The following PPP1R9A variants were observed in gnomAD, a reference collection of about 807,000 sequenced individuals.
The protein encoded by PPP1R9A is neurabin-1.
A neutral mutation model predicts 141.9 loss-of-function variants in PPP1R9A; 59 were observed. The ratio of observed to expected loss-of-function variants is 0.42; its 90% CI spans 0.34 to 0.52. The LOEUF (loss-of-function observed/expected upper bound fraction) is 0.52. Ranked by LOEUF, PPP1R9A falls within the 20% of genes least tolerant of loss-of-function variation. The probability of loss-of-function intolerance (pLI) is 0.10; values close to 1 mark genes in which losing one functional copy is unlikely to be tolerated. For synonymous variants in PPP1R9A, 500 were observed against 569.7 expected, an observed-to-expected ratio of 0.88 and a Z score of 1.74; for missense variants, 1,444 against 1,611.9, an observed-to-expected ratio of 0.90 and a Z score of 1.78.
Position 95,218,325 on chromosome 7 carries a change from CT to C in PPP1R9A, c.1957-7635del, listed in dbSNP as rs1793824339. Reference sequence around the variant, plus strand: ...AGTGCTAGTTTGATTGCAGTGTGGTCTGAGAGACAGTTTGTTATAATTTCTG... The same window carrying C: ...AGTGCTAGTTTGATTGCAGTGTGGTCGAGAGACAGTTTGTTATAATTTCTG... On this transcript the variant is annotated intron_variant, in intron 7 of 19. Transcript: ENST00000433360. 2.6e-5 allele frequency among the ~76,000 whole-genome samples: 4 copies of C among 152,262 alleles called. No homozygotes were observed. In the South Asian group the frequency reaches 6.2e-4, roughly 24 times the overall value.
intron 2 of PPP1R9A, among the ~76,000 whole-genome samples, chr7:94,981,554 A>G (rs1466493316): frequency 1.3e-5 from 2 of 152,112 alleles, no homozygotes; most frequent in Admixed American, 6.6e-5. Flanking sequence ...TTTTTAAAAA[A>G]AACTTATTAT....
At chr7:95,213,229 GGTTT>G (rs760872084) in intron 7 of PPP1R9A, among the ~76,000 whole-genome samples, 51 of 151,812 alleles carry the variant, frequency 3.4e-4, no homozygotes, top group Admixed American at 9.2e-4. Context: ...GGCAGTGACA[GGTTT>G]GTTTATCACT....
chr7:94,973,201 C>T lies in PPP1R9A; in HGVS notation c.1395+61693C>T, dbSNP rs1042254398. Among the ~76,000 whole-genome samples, 4 of 152,158 alleles carry T rather than the reference C, an allele frequency of 2.6e-5. 1 individual carries two copies. In the Middle Eastern group the frequency reaches 9.5e-3, roughly 361 times the overall value. On this transcript the variant is annotated intron_variant, in intron 2 of 19. Coordinates refer to ENST00000433360, the MANE Select transcript of PPP1R9A (RefSeq NM_001166160.2). ...ATTGAAGCAAGAAATATATCTACCACATCATAAAAATAATGTGTTTTTATA... is the reference window on the plus strand; with the variant it reads ...ATTGAAGCAAGAAATATATCTACCATATCATAAAAATAATGTGTTTTTATA...
At chr7:95,008,547 GT>G (rs1166265874) in intron 2 of PPP1R9A, among the ~76,000 whole-genome samples, 2 of 152,150 alleles carry the variant, frequency 1.3e-5, no homozygotes, top group Admixed American at 6.5e-5. Context: ...ACTGCTTCAG[GT>G]TTGTTGGACA....
intron 2 of PPP1R9A, among the ~76,000 whole-genome samples, chr7:94,940,476 A>G: frequency 6.6e-6 from 1 of 151,770 alleles, no homozygotes; most frequent in South Asian, 2.1e-4. Flanking sequence ...CCCTTTCTTC[A>G]CTAGATCTGT....
intron 12 of PPP1R9A, among the ~76,000 whole-genome samples, chr7:95,261,517 A>G (rs1563519025): frequency 6.6e-6 from 1 of 152,022 alleles, no homozygotes; most frequent in Non-Finnish European, 1.5e-5. Context: ...TTTTGATGAC[A>G]CTAAGGGTTT....
intron 4 of PPP1R9A, among the ~76,000 whole-genome samples, chr7:95,154,282 T>C (rs1360875968): frequency 6.6e-6 from 1 of 152,126 alleles, no homozygotes; most frequent in Non-Finnish European, 1.5e-5. Flanking sequence ...CCAGTGTTTG[T>C]TCAGGAGCAT....
chr7:94,925,855 C>T (rs1407757436), intron 2 of PPP1R9A, among the ~76,000 whole-genome samples: 1 of 152,036 alleles, frequency 6.6e-6, no homozygotes, highest in East Asian at 1.9e-4. Flanking sequence ...GAGACAAGGT[C>T]TTACTCTGTT....
chr7:95,200,402 G>T (rs1045077944), intron 6 of PPP1R9A, among the ~76,000 whole-genome samples: 2 of 151,236 alleles, frequency 1.3e-5, no homozygotes, highest in African/African-American at 4.9e-5. Context: ...CTCCTGAGTA[G>T]CTGGGGCAAC....
intron 12 of PPP1R9A, among the ~76,000 whole-genome samples, chr7:95,266,247 C>T (rs1801261694): frequency 1.3e-5 from 2 of 152,022 alleles, no homozygotes; most frequent in South Asian, 4.1e-4. Context: ...CACTTAGTAG[C>T]CAAAGCTGTT....
chr7:95,089,789 A>C (rs1159660877), intron 2 of PPP1R9A, among the ~76,000 whole-genome samples: 1 of 151,876 alleles, frequency 6.6e-6, no homozygotes, highest in Non-Finnish European at 1.5e-5. Flanking sequence ...TATTCTTTAG[A>C]CTAATCAATA....
intron 2 of PPP1R9A, among the ~76,000 whole-genome samples, chr7:94,922,628 A>G: frequency 6.6e-6 from 1 of 152,280 alleles, no homozygotes; most frequent in African/African-American, 2.4e-5. Flanking sequence ...CTTCATAGTA[A>G]AAAGTCTGGT....
At chr7:95,065,425 C>G (rs1013896941) in intron 2 of PPP1R9A, among the ~76,000 whole-genome samples, 2 of 151,974 alleles carry the variant, frequency 1.3e-5, no homozygotes, top group African/African-American at 4.8e-5. Context: ...ATAGCTAGTT[C>G]AGAATTATTC....
chr7:95,277,115 C>G (rs910684208), intron 16 of PPP1R9A, among the ~76,000 whole-genome samples: 2 of 152,182 alleles, frequency 1.3e-5, no homozygotes, highest in African/African-American at 4.8e-5. Flanking sequence ...GTAATGTTAT[C>G]TTTTTGAAGC....
chr7:94,949,699 A>C (rs745341654), intron 2 of PPP1R9A, among the ~76,000 whole-genome samples: 1 of 151,852 alleles, frequency 6.6e-6, no homozygotes, highest in Non-Finnish European at 1.5e-5. Context: ...TGGGGCAGGA[A>C]CCTCACCTGG....
intron 2 of PPP1R9A, among the ~76,000 whole-genome samples, chr7:94,937,707 T>C (rs561556072): frequency 1.2e-4 from 19 of 152,164 alleles, no homozygotes; most frequent in Middle Eastern, 3.2e-3. Context: ...GTAATCAGCA[T>C]TGTGGTAGAT....
chr7:95,202,530 T>TC (rs961747344), intron 6 of PPP1R9A: 2 of 744,380 alleles, frequency 2.7e-6, no homozygotes, highest in African/African-American at 3.8e-5. Flanking sequence ...CTTGTTTTTT[T>TC]TTTCTTTCTT....
At chr7:95,161,344 G>A (rs1185920777) in intron 4 of PPP1R9A, among the ~76,000 whole-genome samples, 1 of 152,050 alleles carries the variant, frequency 6.6e-6, no homozygotes, top group Non-Finnish European at 1.5e-5. Flanking sequence ...GTCTGTTTGT[G>A]TCTTTTGCCC....
At chr7:95,257,830 T>A (rs1799824184) in intron 12 of PPP1R9A, among the ~76,000 whole-genome samples, 1 of 152,178 alleles carries the variant, frequency 6.6e-6, no homozygotes, top group Admixed American at 6.5e-5. Flanking sequence ...TCCATGTCCC[T>A]GCAAAGGACA....
Sources: gnomAD v4.1 joint callset for allele counts (sites outside exome capture counted in the v4.1 genomes callset) on GRCh38, gnomAD v4.1.1 for gene constraint, MANE v1.5 for transcripts, NCBI Gene and HGNC (gene_info 2026-07-23, HGNC 2026-07-21) for gene names.